IL1R1: variants seen among roughly 807,000 people sequenced by gnomAD.
IL1R1 encodes the protein interleukin 1 receptor type 1.
In IL1R1, 22 loss-of-function variants were observed where a neutral mutation model predicts 50.2. The observed-to-expected ratio is 0.44, with a 90% confidence interval of 0.31 to 0.63. IL1R1 has a LOEUF of 0.63. IL1R1 is among the 20% of genes least tolerant of loss of function. The pLI is 0.07. For synonymous variants in IL1R1, 251 were observed against 236.7 expected (o/e 1.06, Z -0.55); for missense variants, 509 against 676.2 (o/e 0.75, Z 2.74).
intron 1 of IL1R1, among the ~76,000 whole-genome samples, chr2:102,128,362 T>C (rs898498900): frequency 1.3e-5 from 2 of 152,254 alleles, no homozygotes; most frequent in African/African-American, 4.8e-5. Context: ...CTCTATGGTA[T>C]TACTGAATAG....
chr2:102,159,673 G>A (rs1684524284), intron 3 of IL1R1, among the ~76,000 whole-genome samples: 1 of 152,130 alleles, frequency 6.6e-6, no homozygotes, highest in African/African-American at 2.4e-5. Context: ...CTCTTGGTGA[G>A]GTCAATAACA....
At chr2:102,075,756 A>C (rs1032222192) in intron 1 of IL1R1, among the ~76,000 whole-genome samples, 9 of 152,242 alleles carry the variant, frequency 5.9e-5, no homozygotes, top group African/African-American at 1.7e-4. Flanking sequence ...TTGGCAGATA[A>C]GAACGAAAAT....
intron 1 of IL1R1, among the ~76,000 whole-genome samples, chr2:102,099,278 C>T (rs1577838417): frequency 1.3e-5 from 2 of 152,184 alleles, no homozygotes; most frequent in East Asian, 3.9e-4. Context: ...ACAAAGAACC[C>T]AAAATTAGAG....
chr2:102,106,830 CATAG>C (rs1381695833), intron 1 of IL1R1, among the ~76,000 whole-genome samples: 2 of 152,124 alleles, frequency 1.3e-5, no homozygotes, highest in Non-Finnish European at 2.9e-5. Flanking sequence ...CATTTCATTG[CATAG>C]ATAGTTTATT....
At chr2:102,168,577 T>G (rs748809764) in intron 6 of IL1R1, 21 bp from the exon 7 acceptor site, 1 of 1,604,820 alleles carries the variant, frequency 6.2e-7, no homozygotes, top group Admixed American at 1.7e-5. Context: ...CTGACAAACC[T>G]TATGGATGTT....
At chr2:102,113,702 G>A (rs973856430) in intron 1 of IL1R1, among the ~76,000 whole-genome samples, 1 of 152,138 alleles carries the variant, frequency 6.6e-6, no homozygotes, top group African/African-American at 2.4e-5. Flanking sequence ...CACCAATGAC[G>A]CTCGGCCTCC....
chr2:102,108,241 TGGG>T (rs796453974), intron 1 of IL1R1, among the ~76,000 whole-genome samples: 883 of 34,182 alleles, frequency 0.026, 9 homozygotes, highest in African/African-American at 0.057. Flanking sequence ...TGTGTGTGTG[TGGG>T]GGGGGGTGTG....
At chr2:102,138,508 A>T (rs773396696), upstream of IL1R1, among the ~76,000 whole-genome samples, 2 of 152,170 alleles carry the variant, frequency 1.3e-5, no homozygotes, top group African/African-American at 2.4e-5. Flanking sequence ...TTTCCTGTTC[A>T]CATGTGGCTT....
chr2:102,127,657 CTG>C (rs60587758), intron 1 of IL1R1, among the ~76,000 whole-genome samples: 21,694 of 144,602 alleles, frequency 0.15, 1,514 homozygotes, highest in East Asian at 0.21. Context: ...GTGTGTGTGA[CTG>C]TGTGTGTGTG....
chr2:102,091,754 C>T (rs1241986168), intron 1 of IL1R1, among the ~76,000 whole-genome samples: 1 of 152,188 alleles, frequency 6.6e-6, no homozygotes, highest in East Asian at 1.9e-4. Context: ...TACCCATTGA[C>T]CAAGCTCTCT....
chr2:102,140,762 G>T (rs2104437162), upstream of IL1R1, among the ~76,000 whole-genome samples: 1 of 152,300 alleles, frequency 6.6e-6, no homozygotes, highest in African/African-American at 2.4e-5. Flanking sequence ...GAGAAAGTCA[G>T]TGAAAGTGGT....
chr2:102,168,747 A>G (rs1471936801), intron 7 of IL1R1, 84 bp downstream of exon 7: 2 of 943,778 alleles, frequency 2.1e-6, no homozygotes, highest in Admixed American at 2.2e-5. Context: ...TCTTTACTAT[A>G]TATAATCTAA....
intron 3 of IL1R1, among the ~76,000 whole-genome samples, chr2:102,164,020 G>T (rs1490156415): frequency 2.0e-5 from 3 of 152,070 alleles, no homozygotes; most frequent in Admixed American, 1.3e-4. Flanking sequence ...TTCCACCCTG[G>T]CTGTTGGGAA....
Position 102,171,901 on chromosome 2 carries a change from A to C in IL1R1, c.822A>C (p.Leu274=). The part of the protein sequence containing the change: ...GSVIDEDDPV[L]GEDYYSVENP... ...TAATTGATGAAGATGACCCAGTGCTAGGGGAAGACTATTACAGGTATGTAT... is the reference window on the plus strand; with the variant it reads ...TAATTGATGAAGATGACCCAGTGCTCGGGGAAGACTATTACAGGTATGTAT... Residue 274 remains leucine, a synonymous_variant, in exon 8 of 12, where the codon CTA becomes CTC. Coordinates refer to ENST00000410023, the MANE Select transcript of IL1R1 (RefSeq NM_000877.4). 6.3e-7 allele frequency: 1 copy of C among 1,582,276 alleles called. No individual in the cohort carries two copies. The highest frequency in any genetic ancestry group is 8.7e-7 in the Non-Finnish European group (1 of 1,154,012).
chr2:102,093,573 G>T (rs1484417450), intron 1 of IL1R1, among the ~76,000 whole-genome samples: 2 of 152,136 alleles, frequency 1.3e-5, no homozygotes, highest in African/African-American at 4.8e-5. Context: ...GGATTAATTT[G>T]CATTTCCCCA....
At chr2:102,081,222 T>G (rs1303631058) in intron 1 of IL1R1, among the ~76,000 whole-genome samples, 1 of 152,192 alleles carries the variant, frequency 6.6e-6, no homozygotes, top group African/African-American at 2.4e-5. Flanking sequence ...GTGAATGACA[T>G]CTCAATAAAA....
chr2:102,168,807 A>G, intron 7 of IL1R1, 144 bp downstream of exon 7: 4 of 610,344 alleles, frequency 6.6e-6, no homozygotes, highest in Admixed American at 3.1e-5. Flanking sequence ...GACAAATTAT[A>G]TCTTAATTTT....
chr2:102,103,200 A>G (rs542611811), upstream of IL1R1, among the ~76,000 whole-genome samples: 38 of 152,338 alleles, frequency 2.5e-4, no homozygotes, highest in South Asian at 6.8e-3. Flanking sequence ...TCCTTGAAGA[A>G]TGCCTGGCAC....
rs752459520 is a variant in IL1R1 at position 102,176,767 on chromosome 2, A to G, written c.*8A>G. 1 of 1,611,348 alleles carries G rather than the reference A, an allele frequency of 6.2e-7. No individual in the cohort carries two copies. Among genetic ancestry groups the G allele is most frequent in the South Asian group, 1.1e-5 (1 of 90,978 alleles). On this transcript the variant is annotated 3_prime_UTR_variant, in exon 12 of 12. Transcript: ENST00000410023. ...CACGTGCCTCTCGGGTAGCATGGAG[A>G]AGTTGCCAAGAGTTCTTTAGGTGCC...
Sources: gnomAD v4.1 joint callset for allele counts (sites outside exome capture counted in the v4.1 genomes callset) on GRCh38, gnomAD v4.1.1 for gene constraint, MANE v1.5 for transcripts, NCBI Gene and HGNC (gene_info 2026-07-23, HGNC 2026-07-21) for gene names.